The following CADPS2 variants were observed in gnomAD, a reference collection of about 807,000 sequenced individuals.
CADPS2 encodes the protein calcium dependent secretion activator 2.
A neutral mutation model predicts 172.5 loss-of-function variants in CADPS2; 93 were observed. That is an observed-to-expected ratio of 0.54 (90% CI 0.46 to 0.64). CADPS2 has a LOEUF of 0.64. Ranked by LOEUF, CADPS2 falls within the 30% of genes least tolerant of loss-of-function variation. The probability of loss-of-function intolerance (pLI) is 0.00; values close to 1 mark genes in which losing one functional copy is unlikely to be tolerated. For missense variants in CADPS2, 1,420 were observed against 1,565.9 expected, an observed-to-expected ratio of 0.91 and a Z score of 1.57; for synonymous variants, 546 against 555.2, an observed-to-expected ratio of 0.98 and a Z score of 0.23.
chr7:122,346,092 T>G (rs2037605744), intron 27 of CADPS2, among the ~76,000 whole-genome samples: 1 of 151,920 alleles, frequency 6.6e-6, no homozygotes, highest in South Asian at 2.1e-4. Flanking sequence ...ATGCGCTGAG[T>G]GCCATGGCTC....
chr7:122,620,193 A>G (rs1240474994), intron 5 of CADPS2, among the ~76,000 whole-genome samples: 5 of 152,216 alleles, frequency 3.3e-5, no homozygotes, highest in Non-Finnish European at 7.4e-5. Flanking sequence ...AGCACTGGGA[A>G]CCAGCAGAGA....
In CADPS2 at chr7:122,649,898, A is replaced by ATTT. The variant is rs71531909; in HGVS notation, c.786+13336_786+13338dup. Among the ~76,000 whole-genome samples, 20 of 52,020 alleles carry ATTT rather than the reference A, an allele frequency of 3.8e-4. 2 individuals carry two copies. Among genetic ancestry groups the ATTT allele is most frequent in the African/African-American group, 1.0e-3 (13 of 12,546 alleles). The allele number at this position is 52,020 out of a possible 152,430, so 34.1% of individuals were successfully genotyped here. On this transcript the variant is annotated intron_variant, in intron 3 of 29. Transcript: ENST00000449022. ...TGACATTTTTCTTAAGTATTCAATG[A>ATTT]TTTTTTTTTTTTTTTTTTTTTTTTT...
intron 6 of CADPS2, among the ~76,000 whole-genome samples, chr7:122,589,644 C>A (rs1166226963): frequency 2.6e-5 from 4 of 151,812 alleles, no homozygotes; most frequent in Non-Finnish European, 5.9e-5. Context: ...TTACTATGAT[C>A]CAAACTATAA....
At chr7:122,809,437 C>G (rs922812880) in intron 1 of CADPS2, among the ~76,000 whole-genome samples, 1 of 147,614 alleles carries the variant, frequency 6.8e-6, no homozygotes, top group African/African-American at 2.5e-5. Context: ...AAAATTTAGG[C>G]AGGCATGGTG....
intron 2 of CADPS2, among the ~76,000 whole-genome samples, chr7:122,726,166 C>A (rs755488300): frequency 4.0e-5 from 6 of 151,726 alleles, no homozygotes; most frequent in Non-Finnish European, 7.4e-5. Flanking sequence ...CTTATAGAAA[C>A]TGTCAATGAC....
At position 122,645,320 on chromosome 7, in the gene CADPS2, C is replaced by T. The variant is rs867235178; in HGVS notation, c.787-15992G>A. 3.0e-4 allele frequency among the ~76,000 whole-genome samples: 35 copies of T among 115,764 alleles called. 1 individual carries two copies. The highest frequency in any genetic ancestry group is 4.1e-4 in the African/African-American group (14 of 33,894). The allele number at this position is 115,764 out of a possible 152,430, so 75.9% of individuals were successfully genotyped here. A position where few individuals can be genotyped will look rare whatever the true frequency, so the allele number is the denominator to read the frequency against. The stretch of plus-strand genomic sequence containing the variant: ...ATACACATATGTACATGTGTGTATA[C>T]ATGTACATATATACACACATGTACA... On this transcript the variant is annotated intron_variant, in intron 3 of 29. Transcript: ENST00000449022.
chr7:122,799,258 T>C (rs1202568612), intron 1 of CADPS2, among the ~76,000 whole-genome samples: 1 of 152,182 alleles, frequency 6.6e-6, no homozygotes, highest in African/African-American at 2.4e-5. Flanking sequence ...ACAGTATTAT[T>C]CTTTTCTTTC....
At chr7:122,546,664 G>A (rs10238396) in intron 8 of CADPS2, among the ~76,000 whole-genome samples, 92,280 of 151,980 alleles carry the variant, frequency 0.61, 28,496 homozygotes, top group African/African-American at 0.73. Context: ...GATGCTTTCT[G>A]GTTTATGTAA....
intron 2 of CADPS2, among the ~76,000 whole-genome samples, chr7:122,680,803 C>T (rs564132546): frequency 1.3e-5 from 2 of 152,280 alleles, no homozygotes; most frequent in African/African-American, 4.8e-5. Flanking sequence ...GACTATAAAT[C>T]ATGCTTCTAT....
intron 7 of CADPS2, among the ~76,000 whole-genome samples, chr7:122,558,854 G>A (rs1036407969): frequency 6.6e-6 from 1 of 152,106 alleles, no homozygotes; most frequent in Admixed American, 6.6e-5. Context: ...GTGAAATCAA[G>A]ACTATTTAAA....
chr7:122,770,744 C>T (rs1169443190), intron 1 of CADPS2, among the ~76,000 whole-genome samples: 5 of 152,100 alleles, frequency 3.3e-5, no homozygotes, highest in East Asian at 1.9e-4. Context: ...TTATAGATGG[C>T]GGCACCCACA....
At chr7:122,646,885 T>A (rs2471194) in intron 3 of CADPS2, among the ~76,000 whole-genome samples, 1 of 151,878 alleles carries the variant, frequency 6.6e-6, no homozygotes, top group Non-Finnish European at 1.5e-5. Context: ...CTATGGCAAT[T>A]GCTATGAAAT....
chr7:122,568,451 A>G (rs994322123), intron 7 of CADPS2, among the ~76,000 whole-genome samples: 3 of 152,162 alleles, frequency 2.0e-5, no homozygotes, highest in African/African-American at 7.2e-5. Context: ...TAAAACAAAT[A>G]CAAAACTATA....
intron 1 of CADPS2, among the ~76,000 whole-genome samples, chr7:122,753,947 T>G (rs1224383253): frequency 6.6e-6 from 1 of 151,948 alleles, no homozygotes; most frequent in Non-Finnish European, 1.5e-5. Flanking sequence ...ATTTTAACAT[T>G]ATTTAAACAT....
chr7:122,774,859 A>G (rs1198785546), intron 1 of CADPS2, among the ~76,000 whole-genome samples: 1 of 152,128 alleles, frequency 6.6e-6, no homozygotes, highest in Non-Finnish European at 1.5e-5. Context: ...TACCTTTTTA[A>G]TAAGATGGTA....
At chr7:122,804,103 G>A (rs1159864826) in intron 1 of CADPS2, among the ~76,000 whole-genome samples, 1 of 151,912 alleles carries the variant, frequency 6.6e-6, no homozygotes, top group Non-Finnish European at 1.5e-5. Flanking sequence ...CTTATCTCTG[G>A]TTCCTGACTG....
chr7:122,781,087 C>T (rs1217414237), intron 1 of CADPS2, among the ~76,000 whole-genome samples: 2 of 152,148 alleles, frequency 1.3e-5, no homozygotes, highest in Non-Finnish European at 2.9e-5. Flanking sequence ...TACTTTCTTA[C>T]CACACTCATG....
At chr7:122,507,015 G>A (rs983668110) in intron 9 of CADPS2, among the ~76,000 whole-genome samples, 71 of 152,140 alleles carry the variant, frequency 4.7e-4, no homozygotes, top group African/African-American at 1.6e-3. Context: ...TAGACTAAAA[G>A]AAAGATAAGA....
chr7:122,850,212 G>A (rs1165832216), intron 1 of CADPS2: 11 of 1,097,482 alleles, frequency 1.0e-5, no homozygotes, highest in Non-Finnish European at 8.5e-6. Flanking sequence ...GCTATAACTC[G>A]CCAAGTGACA....
Sources: gnomAD v4.1 joint callset for allele counts (sites outside exome capture counted in the v4.1 genomes callset) on GRCh38, gnomAD v4.1.1 for gene constraint, MANE v1.5 for transcripts, NCBI Gene and HGNC (gene_info 2026-07-23, HGNC 2026-07-21) for gene names.